Variants in SLC35E4 observed in about 807,000 individuals in gnomAD.
SLC35E4 encodes the protein solute carrier family 35 member E4, also known as solute carrier family 35, member E4.
A neutral mutation model predicts 19.3 loss-of-function variants in SLC35E4; 15 were observed. The observed-to-expected ratio is 0.78, with a 90% CI of 0.52 to 1.20. The LOEUF is 1.20. Ranked by LOEUF, SLC35E4 falls within the 50% of genes most tolerant of loss-of-function variation. The probability of loss-of-function intolerance (pLI) is 0.00; values close to 1 mark genes in which losing one functional copy is unlikely to be tolerated. For synonymous variants in SLC35E4, 219 were observed against 219.9 expected (o/e 1.00, Z 0.04); for missense variants, 406 against 472.3 (o/e 0.86, Z 1.30).
At chr22:30,644,378 C>T (rs2088094168) in intron 1 of SLC35E4, among the ~76,000 whole-genome samples, 1 of 152,184 alleles carries the variant, frequency 6.6e-6, no homozygotes, top group African/African-American at 2.4e-5. Flanking sequence ...GGGAGGGGAC[C>T]TGTGTCGACT....
chr22:30,668,664 T>A, exon 3 of SLC35E4: 1 of 152,198 alleles, frequency 6.6e-6, no homozygotes, highest in East Asian at 1.9e-4. Context: ...CCTCCCCAGC[T>A]CGAACCCATC....
At chr22:30,664,403 T>C (rs1044885844), downstream of SLC35E4, among the ~76,000 whole-genome samples, 1 of 152,350 alleles carries the variant, frequency 6.6e-6, no homozygotes. Context: ...ACAGCTCTAG[T>C]TGGGCAGATG....
chr22:30,651,050 C>T (rs1462906800), downstream of SLC35E4, among the ~76,000 whole-genome samples: 1 of 151,680 alleles, frequency 6.6e-6, no homozygotes, highest in Non-Finnish European at 1.5e-5. Flanking sequence ...GAAGGAGTAG[C>T]TCCTTCATGC....
intron 1 of SLC35E4, among the ~76,000 whole-genome samples, chr22:30,639,822 A>G (rs1279582267): frequency 2.0e-5 from 3 of 152,208 alleles, no homozygotes; most frequent in Non-Finnish European, 4.4e-5. Context: ...TCAAACACAC[A>G]TGCTCTACAA....
chr22:30,659,442 T>C (rs1233932361), intron 2 of SLC35E4, among the ~76,000 whole-genome samples: 1 of 152,148 alleles, frequency 6.6e-6, no homozygotes. Flanking sequence ...AGCATGATCT[T>C]GGCTCACTGC....
chr22:30,665,259 T>C (rs1167013244), downstream of SLC35E4: 3 of 207,420 alleles, frequency 1.4e-5, no homozygotes, highest in Non-Finnish European at 3.0e-5. Context: ...CTGCTTAATA[T>C]ATTTCAGTGG....
chr22:30,655,438 A>T (rs1441951411), intron 2 of SLC35E4, among the ~76,000 whole-genome samples: 41 of 151,534 alleles, frequency 2.7e-4, no homozygotes, highest in African/African-American at 4.6e-4. Flanking sequence ...CCAAAAAAAA[A>T]AAAAAAAAAA....
chr22:30,666,156 C>T (rs2088649935), downstream of SLC35E4, among the ~76,000 whole-genome samples: 1 of 152,142 alleles, frequency 6.6e-6, no homozygotes, highest in Non-Finnish European at 1.5e-5. Context: ...GGATCCTCGT[C>T]ATCAGAAAAT....
intron 2 of SLC35E4, among the ~76,000 whole-genome samples, chr22:30,658,927 G>A (rs1342917944): frequency 6.6e-6 from 1 of 151,936 alleles, no homozygotes; most frequent in Non-Finnish European, 1.5e-5. Context: ...GGTGGATCAC[G>A]AGATCAGGAG....
At chr22:30,651,397 G>GTA (rs1411379695), downstream of SLC35E4, among the ~76,000 whole-genome samples, 7 of 52,616 alleles carry the variant, frequency 1.3e-4, no homozygotes, top group African/African-American at 8.3e-4. Context: ...GTGTGTGTGT[G>GTA]TGTATATATA....
chr22:30,658,175 A>G (rs1013034567), intron 2 of SLC35E4, among the ~76,000 whole-genome samples: 1 of 151,902 alleles, frequency 6.6e-6, no homozygotes, highest in Admixed American at 6.6e-5. Flanking sequence ...AGATAGAGTA[A>G]GCAGTCTGTC....
intron 1 of SLC35E4, 151 bp from the exon 2 acceptor site, chr22:30,646,447 A>T: frequency 1.1e-6 from 1 of 934,046 alleles, no homozygotes; most frequent in Non-Finnish European, 1.6e-6. Flanking sequence ...TCTGACTCCA[A>T]CTCTTGACTG....
rs756029956 is a variant in SLC35E4, at chr22:30,636,541, C to T, written c.91C>T (p.Pro31Ser). The T allele has an allele frequency of 4.5e-6, 7 of 1,558,564 alleles. No individual in the cohort carries two copies. In the East Asian group the frequency reaches 7.2e-5, roughly 16 times the overall value. Residue 31 changes from proline (P) to serine (S), a missense_variant, in exon 1 of 2, where the codon CCC becomes TCC. Pro to Ser is a moderately conservative substitution (Grantham distance 74). Coordinates refer to ENST00000343605, the MANE Select transcript of SLC35E4 (RefSeq NM_001001479.4). ...TGGTGGTGCTCAGGCGGCTGGGCCC[C>T]CCGAGTGGCCCCCTGGCAGCCCTCA... is the stretch of plus-strand genomic sequence containing the variant. ...AAGGAQAAGP[P>S]EWPPGSPQAL... is the part of the protein sequence containing the mutation.
In SLC35E4 at chr22:30,646,588, C is replaced by T; in HGVS notation, c.620-10C>T. ...CCTTCTGGGTGCTCATGGCGGTTGTCCTGTTGCAGGTGCCCTGCTGCAGGA... is the reference window on the plus strand; with the variant it reads ...CCTTCTGGGTGCTCATGGCGGTTGTTCTGTTGCAGGTGCCCTGCTGCAGGA... On this transcript the variant is annotated splice_polypyrimidine_tract_variant and intron_variant, in intron 1 of 1. Coordinates refer to ENST00000343605, the MANE Select transcript of SLC35E4 (RefSeq NM_001001479.4). The T allele has an allele frequency of 6.3e-7, 1 of 1,587,696 alleles. No individual in the cohort carries two copies. The highest frequency in any genetic ancestry group is 1.2e-5 in the South Asian group (1 of 86,814).
chr22:30,663,038 A>G (rs1325759961), exon 3 of SLC35E4: 1 of 179,328 alleles, frequency 5.6e-6, no homozygotes, highest in Non-Finnish European at 1.2e-5. Context: ...AGGTACCATG[A>G]TGCTTAAGGC....
chr22:30,660,311 A>AT (rs35517267), intron 2 of SLC35E4, among the ~76,000 whole-genome samples: 95,696 of 151,034 alleles, frequency 0.63, 31,328 homozygotes, highest in East Asian at 0.81. Flanking sequence ...AGAGAAAAAA[A>AT]TTTTTTTTTT....
downstream of SLC35E4, among the ~76,000 whole-genome samples, chr22:30,648,868 T>C (rs1602082156): frequency 6.7e-6 from 1 of 148,522 alleles, no homozygotes. Context: ...CTGATGAGGG[T>C]CTTGACAAGG....
Position 30,636,296 on chromosome 22 carries a change from A to C in SLC35E4, c.-155A>C. The C allele has an allele frequency of 3.7e-6, 4 of 1,090,878 alleles. No individual in the cohort carries two copies. The highest frequency in any genetic ancestry group is 5.0e-6 in the Non-Finnish European group (4 of 796,664). The allele number at this position is 1,090,878 out of a possible 1,614,324, so 67.6% of individuals were successfully genotyped here. ...AGCTTAGCTTCTAGACATCGCTGGC[A>C]CAGGCCTGGCACAAGTAAGCAGTGT... On this transcript the variant is annotated 5_prime_UTR_variant, in exon 1 of 2. Transcript: ENST00000343605.
chr22:30,636,104 A>T lies in SLC35E4; in HGVS notation c.-347A>T. 3.8e-6 allele frequency: 1 copy of T among 261,932 alleles called. No individual in the cohort carries two copies. Among genetic ancestry groups the T allele is most frequent in the Non-Finnish European group, 7.3e-6 (1 of 137,326 alleles). 16.2% of individuals were successfully genotyped at this position (261,932 alleles called of 1,614,324 possible). On this transcript the variant is annotated 5_prime_UTR_variant, in exon 1 of 2. It introduces an in-frame stop codon into an upstream open reading frame of the 5' UTR. Transcript: ENST00000343605. Reference sequence around the variant, plus strand: ...AATGACCTGGGGACTGAAGAGAAAAAAGGAACGAGGATTTCATCTAAAAGC... The same window carrying T: ...AATGACCTGGGGACTGAAGAGAAAATAGGAACGAGGATTTCATCTAAAAGC...
Sources: gnomAD v4.1 joint callset for allele counts (sites outside exome capture counted in the v4.1 genomes callset) on GRCh38, gnomAD v4.1.1 for gene constraint, MANE v1.5 for transcripts, NCBI Gene and HGNC (gene_info 2026-07-23, HGNC 2026-07-21) for gene names.